IFT81: variants seen among roughly 807,000 people sequenced by gnomAD.
IFT81 encodes the protein intraflagellar transport protein 81 homolog.
Under a neutral mutation model 102.6 loss-of-function variants are expected in IFT81, and 72 were observed. The observed-to-expected ratio is 0.70, with a 90% CI of 0.58 to 0.85. The LOEUF is 0.85. Ranked by LOEUF, IFT81 falls within the 40% of genes least tolerant of loss-of-function variation. IFT81 has a pLI of 0.00. For synonymous variants in IFT81, 237 were observed against 242.7 expected, an observed-to-expected ratio of 0.98 and a Z score of 0.22; for missense variants, 723 against 787.3, an observed-to-expected ratio of 0.92 and a Z score of 0.98.
intron 12 of IFT81, among the ~76,000 whole-genome samples, chr12:110,182,335 CT>C (rs1897339150): frequency 6.6e-6 from 1 of 152,154 alleles, no homozygotes; most frequent in Non-Finnish European, 1.5e-5. Flanking sequence ...AATGGAAACT[CT>C]CATTGCTACA....
At chr12:110,169,600 T>C (rs1896640878) in intron 11 of IFT81, among the ~76,000 whole-genome samples, 3 of 152,202 alleles carry the variant, frequency 2.0e-5, no homozygotes, top group Admixed American at 2.0e-4. Context: ...TCTCACTCTG[T>C]CACTCAGGCT....
At chr12:110,202,698 C>T (rs1004769997) in intron 14 of IFT81, among the ~76,000 whole-genome samples, 1 of 26 alleles carries the variant, frequency 0.038, no homozygotes, top group Non-Finnish European at 0.083. Context: ...CATGATCCGC[C>T]CACCTGGCCT....
chr12:110,156,759 A>G (rs1895861459), intron 10 of IFT81, among the ~76,000 whole-genome samples: 1 of 152,130 alleles, frequency 6.6e-6, no homozygotes, highest in African/African-American at 2.4e-5. Context: ...AGCCTTCCAA[A>G]GTACCAAGAT....
chr12:110,216,864 G>A (rs1181134020), intron 18 of IFT81: 1 of 293,936 alleles, frequency 3.4e-6, no homozygotes, highest in African/African-American at 2.3e-5. Flanking sequence ...GAATAAATAA[G>A]TATTAGGTTT....
chr12:110,204,068 T>C, intron 15 of IFT81, 118 bp downstream of exon 15: 1 of 648,746 alleles, frequency 1.5e-6, no homozygotes, highest in Non-Finnish European at 2.7e-6. Flanking sequence ...AGTTTGAGGC[T>C]ACAGTGAGCT....
At chr12:110,135,469 G>T in intron 7 of IFT81, 32 bp downstream of exon 7, 1 of 1,245,404 alleles carries the variant, frequency 8.0e-7, no homozygotes, top group Non-Finnish European at 1.2e-6. Context: ...TTCTCAGTAT[G>T]AAGGAAATAG....
chr12:110,129,671 T>C (rs529546268), intron 4 of IFT81, among the ~76,000 whole-genome samples: 14 of 152,256 alleles, frequency 9.2e-5, no homozygotes, highest in African/African-American at 3.4e-4. Context: ...TGCACCTTTC[T>C]TGCCAAGGTT....
At chr12:110,182,645 GC>G (rs1897354659) in intron 12 of IFT81, among the ~76,000 whole-genome samples, 1 of 152,156 alleles carries the variant, frequency 6.6e-6, no homozygotes, top group Admixed American at 6.5e-5. Flanking sequence ...CATCTATATA[GC>G]CTTATGATAC....
At chr12:110,142,731 A>C (rs1894972217) in intron 8 of IFT81, among the ~76,000 whole-genome samples, 1 of 151,856 alleles carries the variant, frequency 6.6e-6, no homozygotes, top group Admixed American at 6.6e-5. Context: ...CTCTACAAAA[A>C]AAAATACAAA....
At chr12:110,200,351 A>C (rs1247022728) in intron 14 of IFT81, among the ~76,000 whole-genome samples, 1 of 152,228 alleles carries the variant, frequency 6.6e-6, no homozygotes, top group East Asian at 1.9e-4. Context: ...ACTATACTGA[A>C]TACTGTAGGC....
At chr12:110,158,896 G>C (rs1354614292) in intron 10 of IFT81, among the ~76,000 whole-genome samples, 4 of 137,324 alleles carry the variant, frequency 2.9e-5, no homozygotes, top group African/African-American at 1.1e-4. Flanking sequence ...CCAATTTTTT[G>C]TATTTTTAGT....
rs749031924 is a variant in IFT81 at position 110,139,818 on chromosome 12, TAAATA to T, written c.781+2986_781+2990del. Among the ~76,000 whole-genome samples the T allele has an allele frequency of 7.9e-3, 836 of 105,440 alleles. 7 individuals carry two copies. The highest frequency in any genetic ancestry group is 0.027 in the South Asian group (100 of 3,688). The allele number at this position is 105,440 out of a possible 152,430, so 69.2% of individuals were successfully genotyped here. A position where few individuals can be genotyped will look rare whatever the true frequency, so the allele number is the denominator to read the frequency against. ...ATACATACAATAAAATAAAATAAAATAAATAAAATAAAATAAAATAAAATAAAATA... is the reference window on the plus strand; with the variant it reads ...ATACATACAATAAAATAAAATAAAATAAATAAAATAAAATAAAATAAAATA... On this transcript the variant is annotated intron_variant, in intron 8 of 18. Coordinates refer to ENST00000242591, the MANE Select transcript of IFT81 (RefSeq NM_014055.4).
At chr12:110,135,604 A>C (rs547899818) in intron 7 of IFT81, among the ~76,000 whole-genome samples, 167 bp downstream of exon 7, 21 of 152,198 alleles carry the variant, frequency 1.4e-4, no homozygotes, top group Admixed American at 3.9e-4. Flanking sequence ...TGCAGTGGCT[A>C]ACACCTGTAA....
At chr12:110,174,621 A>G (rs1396999784) in intron 11 of IFT81, among the ~76,000 whole-genome samples, 5 of 152,222 alleles carry the variant, frequency 3.3e-5, no homozygotes, top group African/African-American at 1.2e-4. Context: ...CTTGTTTCAC[A>G]TAAATATCTA....
chr12:110,161,372 T>G (rs184662330), intron 10 of IFT81, among the ~76,000 whole-genome samples: 2 of 152,154 alleles, frequency 1.3e-5, no homozygotes, highest in East Asian at 3.9e-4. Flanking sequence ...GGTCTTGAAC[T>G]CCTGACCTCA....
At chr12:110,197,555 C>CATATATATATATATATATATATAT (rs141544205) in intron 14 of IFT81, among the ~76,000 whole-genome samples, 2 of 108,816 alleles carry the variant, frequency 1.8e-5, no homozygotes, top group South Asian at 3.0e-4. Flanking sequence ...AGGTTTTTAT[C>CATATATATATATATATATATATAT]ATATATATAT....
intron 10 of IFT81, among the ~76,000 whole-genome samples, chr12:110,161,498 T>C: frequency 6.7e-6 from 1 of 150,098 alleles, no homozygotes; most frequent in Non-Finnish European, 1.5e-5. Context: ...GGCTGGAGTG[T>C]AGTGGCATGA....
chr12:110,128,108 T>C lies in IFT81; in HGVS notation c.207T>C (p.Leu69=). The C allele has an allele frequency of 1.2e-6, 2 of 1,613,640 alleles. No individual in the cohort carries two copies. The highest frequency in any genetic ancestry group is 1.7e-6 in the Non-Finnish European group (2 of 1,179,566). Reference sequence around the variant, plus strand: ...CAGCCAAACGAATGTTGAGCCTTCTTGGTATTCTTAAGTACAAACCTTCAG... The same window carrying C: ...CAGCCAAACGAATGTTGAGCCTTCTCGGTATTCTTAAGTACAAACCTTCAG... ...EQTAKRMLSL[L]GILKYKPSGN... The change falls in exon 3 of 19, where the codon CTT becomes CTC. Residue 69 remains leucine, a synonymous_variant. Coordinates refer to ENST00000242591, the MANE Select transcript of IFT81 (RefSeq NM_014055.4).
At chr12:110,158,580 A>G (rs1333535532) in intron 10 of IFT81, among the ~76,000 whole-genome samples, 2 of 149,578 alleles carry the variant, frequency 1.3e-5, no homozygotes, top group Non-Finnish European at 3.0e-5. Flanking sequence ...GTTTCTTTGT[A>G]TGCTTTGTGA....
Sources: gnomAD v4.1 joint callset for allele counts (sites outside exome capture counted in the v4.1 genomes callset) on GRCh38, gnomAD v4.1.1 for gene constraint, MANE v1.5 for transcripts, NCBI Gene and HGNC (gene_info 2026-07-23, HGNC 2026-07-21) for gene names.